CCDC138: variants seen among roughly 807,000 people sequenced by gnomAD.
The protein encoded by CCDC138 is coiled-coil domain containing 138.
CCDC138 carries 66 observed loss-of-function variants against 82.3 expected under a neutral mutation model. That is an observed-to-expected ratio of 0.80 (90% confidence interval 0.66 to 0.98). The LOEUF (loss-of-function observed/expected upper bound fraction) is 0.98. CCDC138 is among the 50% of genes least tolerant of loss of function. CCDC138 has a pLI of 0.00. For missense variants in CCDC138, 816 were observed against 758.9 expected, an observed-to-expected ratio of 1.08 and a Z score of -0.88; for synonymous variants, 297 against 265.4, an observed-to-expected ratio of 1.12 and a Z score of -1.16.
intron 13 of CCDC138, among the ~76,000 whole-genome samples, chr2:108,867,812 C>G (rs946318520): frequency 2.0e-5 from 3 of 152,134 alleles, no homozygotes; most frequent in African/African-American, 7.2e-5. Context: ...TATGTTCCAG[C>G]CTTTGAGTCA....
downstream of CCDC138, among the ~76,000 whole-genome samples, chr2:108,881,278 T>G (rs1162023173): frequency 1.3e-5 from 2 of 152,234 alleles, no homozygotes; most frequent in Non-Finnish European, 2.9e-5. Flanking sequence ...TCCTAAAACC[T>G]CATGAACCAA....
At chr2:108,815,487 G>A (rs1574040360) in intron 9 of CCDC138, among the ~76,000 whole-genome samples, 2 of 62,722 alleles carry the variant, frequency 3.2e-5, no homozygotes, top group East Asian at 1.5e-3. Context: ...TTTTTTTTGA[G>A]ATGGAGTCTT....
Position 108,873,507 on chromosome 2 carries a change from T to C in CCDC138, c.1750T>C (p.Ser584Pro). ...CAACTCTTTATTTTTTCGTACTTGC[T>C]CTGTGCTGCTTCGAGCCCCTAAGCT... is the stretch of plus-strand genomic sequence containing the variant. ...CSNSLFFRTC[S>P]VLLRAPKLDL... Residue 584 changes from serine to proline, a missense_variant, in exon 14 of 15, where the codon TCT becomes CCT. Ser to Pro is a moderately conservative substitution (Grantham distance 74). Coordinates refer to ENST00000295124, the MANE Select transcript of CCDC138 (RefSeq NM_144978.3). 6 of 1,611,758 alleles carry C rather than the reference T, an allele frequency of 3.7e-6. No homozygotes were observed. The highest frequency in any genetic ancestry group is 5.1e-6 in the Non-Finnish European group (6 of 1,178,942).
intron 10 of CCDC138, among the ~76,000 whole-genome samples, chr2:108,828,052 G>C (rs187380830): frequency 1.3e-5 from 2 of 151,856 alleles, no homozygotes; most frequent in Non-Finnish European, 2.9e-5. Context: ...GATAAAGGTA[G>C]CATGTTAAAT....
intron 2 of CCDC138, 115 bp from the exon 3 acceptor site, chr2:108,788,737 A>G (rs1275676802): frequency 1.4e-6 from 2 of 1,433,968 alleles, no homozygotes; most frequent in African/African-American, 2.9e-5. Flanking sequence ...AAAAAAGAAA[A>G]AAAAATTTGA....
chr2:108,846,820 C>T lies in CCDC138; in HGVS notation c.1406C>T (p.Ser469Phe). Residue 469 changes from serine to phenylalanine, a missense_variant, in exon 12 of 15, where the codon TCT (serine) becomes TTT (phenylalanine). Transcript: ENST00000295124. ...GTAACTAAAGGAATTCAGGATAATT[C>T]TCCACAGCATTCTGTGGAGAATAAA... The part of the protein sequence containing the change: ...GVVTKGIQDN[S>F]PQHSVENKPK... 6.2e-7 allele frequency: 1 copy of T among 1,612,576 alleles called. No homozygotes were observed.
At chr2:108,879,663 G>C (rs1393404360), downstream of CCDC138, among the ~76,000 whole-genome samples, 1 of 152,078 alleles carries the variant, frequency 6.6e-6, no homozygotes, top group Non-Finnish European at 1.5e-5. Flanking sequence ...TAATAACTTT[G>C]TGAGATGGGT....
Position 108,839,179 on chromosome 2 carries a change from C to T in CCDC138, c.1207-6C>T. Reference sequence around the variant, plus strand: ...TTGTATTTATTTTCCATCATTTTATCTTTAGCTTTTGCCTCTAATGACAGA... The same window carrying T: ...TTGTATTTATTTTCCATCATTTTATTTTTAGCTTTTGCCTCTAATGACAGA... On this transcript the variant is annotated splice_region_variant and splice_polypyrimidine_tract_variant and intron_variant, in intron 10 of 14. Coordinates refer to ENST00000295124, the MANE Select transcript of CCDC138 (RefSeq NM_144978.3). The T allele has an allele frequency of 1.3e-6, 2 of 1,597,258 alleles. No homozygotes were observed. Among genetic ancestry groups the T allele is most frequent in the South Asian group, 2.3e-5 (2 of 87,684 alleles).
intron 13 of CCDC138, among the ~76,000 whole-genome samples, chr2:108,864,580 G>A (rs1388641892): frequency 6.6e-6 from 1 of 152,018 alleles, no homozygotes; most frequent in Non-Finnish European, 1.5e-5. Flanking sequence ...GGCAGATCAC[G>A]AGGTTAGGAG....
chr2:108,831,659 A>T (rs1197116223), intron 10 of CCDC138, among the ~76,000 whole-genome samples: 1 of 150,946 alleles, frequency 6.6e-6, no homozygotes, highest in African/African-American at 2.5e-5. Flanking sequence ...CCTAGGTTCT[A>T]TCCCTGGAAT....
chr2:108,841,493 A>G (rs1157579142), intron 11 of CCDC138, among the ~76,000 whole-genome samples: 1 of 152,058 alleles, frequency 6.6e-6, no homozygotes, highest in Non-Finnish European at 1.5e-5. Context: ...TCATTTTATA[A>G]TGTCCTTCTC....
chr2:108,804,826 A>G (rs1166286058), intron 6 of CCDC138, 63 bp from the exon 7 acceptor site: 5 of 1,339,958 alleles, frequency 3.7e-6, no homozygotes, highest in African/African-American at 1.5e-5. Context: ...TTCACGTTCC[A>G]TAGTATTAGT....
chr2:108,884,784 T>G (rs1457207648), intron 2 of CCDC138: 1 of 150,230 alleles, frequency 6.7e-6, no homozygotes, highest in Non-Finnish European at 1.5e-5. Context: ...TCTTTTTCTC[T>G]TTCGAAAGCC....
chr2:108,815,461 G>GTTTTTTTTTTT (rs35206784), intron 9 of CCDC138, among the ~76,000 whole-genome samples: 17 of 70,742 alleles, frequency 2.4e-4, no homozygotes, highest in East Asian at 4.7e-4. Flanking sequence ...GGTTTTTGGT[G>GTTTTTTTTTTT]TTTTTTTTTT....
intron 1 of CCDC138, chr2:108,882,541 T>C (rs765089): frequency 0.73 from 110,841 of 152,102 alleles, 43,130 homozygotes; most frequent in East Asian, 0.95. Flanking sequence ...GTGCTTTATC[T>C]CATTCTCTTG....
chr2:108,848,130 TTAATA>T (rs1275504290), intron 12 of CCDC138, among the ~76,000 whole-genome samples: 1 of 152,232 alleles, frequency 6.6e-6, no homozygotes, highest in Non-Finnish European at 1.5e-5. Context: ...TGAAGCCAAT[TTAATA>T]TAAGAAAAAT....
intron 10 of CCDC138, among the ~76,000 whole-genome samples, chr2:108,823,635 G>A (rs1686078690): frequency 6.6e-6 from 1 of 152,050 alleles, no homozygotes; most frequent in South Asian, 2.1e-4. Context: ...GAAGTATTTG[G>A]GTATCTAAAC....
chr2:108,798,721 ACAC>A, intron 6 of CCDC138, 135 bp downstream of exon 6: 2 of 573,866 alleles, frequency 3.5e-6, no homozygotes, highest in Non-Finnish European at 6.1e-6. Flanking sequence ...ACACACACAC[ACAC>A]ACACACACAC....
intron 13 of CCDC138, among the ~76,000 whole-genome samples, chr2:108,864,793 CAAAAAAAAAA>C (rs148029306): frequency 1.6e-5 from 2 of 125,062 alleles, no homozygotes; most frequent in African/African-American, 6.1e-5. Flanking sequence ...GACTCCATCT[CAAAAAAAAAA>C]AAAAAAAATT....
Sources: gnomAD v4.1 joint callset for allele counts (sites outside exome capture counted in the v4.1 genomes callset) on GRCh38, gnomAD v4.1.1 for gene constraint, MANE v1.5 for transcripts, NCBI Gene and HGNC (gene_info 2026-07-23, HGNC 2026-07-21) for gene names.